Variants in UBE2H observed in about 807,000 individuals in gnomAD.
The protein encoded by UBE2H is ubiquitin conjugating enzyme E2 H.
In UBE2H, 3 loss-of-function variants were observed where a neutral mutation model predicts 29.0. The ratio of observed to expected loss-of-function variants is 0.10; its 90% CI spans 0.05 to 0.27. The LOEUF (loss-of-function observed/expected upper bound fraction) is 0.27. UBE2H is among the 10% of genes least tolerant of loss of function. The probability of loss-of-function intolerance (pLI) is 1.00; values close to 1 mark genes in which losing one functional copy is unlikely to be tolerated. For synonymous variants in UBE2H, 69 were observed against 82.9 expected, an observed-to-expected ratio of 0.83 and a Z score of 0.91; for missense variants, 68 against 228.2, an observed-to-expected ratio of 0.30 and a Z score of 4.52.
intron 5 of UBE2H, among the ~76,000 whole-genome samples, chr7:129,848,044 C>T (rs1805542798): frequency 6.6e-6 from 1 of 152,188 alleles, no homozygotes; most frequent in Non-Finnish European, 1.5e-5. Flanking sequence ...CCTTTGTAAT[C>T]AGAGAAAGTT....
At chr7:129,887,055 A>AT (rs1247961961) in intron 1 of UBE2H, among the ~76,000 whole-genome samples, 1 of 152,008 alleles carries the variant, frequency 6.6e-6, no homozygotes, top group African/African-American at 2.4e-5. Flanking sequence ...TGTTCTCACT[A>AT]TTTTTGTTTT....
intron 3 of UBE2H, chr7:129,865,110 T>G (rs1351121847): frequency 2.4e-6 from 1 of 412,836 alleles, no homozygotes; most frequent in Non-Finnish European, 4.8e-6. Flanking sequence ...ACTATTATTA[T>G]ATATCTTAAA....
chr7:129,895,533 C>T (rs950248941), intron 1 of UBE2H, among the ~76,000 whole-genome samples: 4 of 152,122 alleles, frequency 2.6e-5, no homozygotes, highest in Non-Finnish European at 5.9e-5. Context: ...TCAGGTGGCC[C>T]TCTGCAAAAT....
intron 1 of UBE2H, among the ~76,000 whole-genome samples, chr7:129,947,666 A>G (rs1807792435): frequency 6.6e-6 from 1 of 152,190 alleles, no homozygotes; most frequent in Non-Finnish European, 1.5e-5. Flanking sequence ...TATTCCTTGA[A>G]AAGTCCACTC....
chr7:129,932,261 C>A (rs1456405823), intron 1 of UBE2H, among the ~76,000 whole-genome samples: 4 of 145,888 alleles, frequency 2.7e-5, no homozygotes, highest in African/African-American at 1.0e-4. Context: ...GTAGCTGGGA[C>A]TACAGGCGCC....
At chr7:129,907,210 G>T (rs748446810) in intron 1 of UBE2H, among the ~76,000 whole-genome samples, 1 of 152,018 alleles carries the variant, frequency 6.6e-6, no homozygotes, top group Non-Finnish European at 1.5e-5. Context: ...ACTTTGTTGG[G>T]TAAGATCAAA....
intron 1 of UBE2H, among the ~76,000 whole-genome samples, chr7:129,902,921 C>A (rs10253233): frequency 0.18 from 27,931 of 152,114 alleles, 2,846 homozygotes; most frequent in African/African-American, 0.26. Context: ...TCTCAACAAC[C>A]CTATCATGCA....
chr7:129,882,374 CAG>C (rs1467795959), intron 1 of UBE2H, among the ~76,000 whole-genome samples: 4 of 152,086 alleles, frequency 2.6e-5, no homozygotes, highest in Non-Finnish European at 5.9e-5. Context: ...TAATACAAAA[CAG>C]AAACATTTAA....
chr7:129,861,766 C>T (rs1252237792), intron 3 of UBE2H, among the ~76,000 whole-genome samples: 2 of 152,116 alleles, frequency 1.3e-5, no homozygotes, highest in Non-Finnish European at 2.9e-5. Context: ...TGGCGCCCAC[C>T]TGTAGTCCCA....
In UBE2H at chr7:129,922,076, T is replaced by A. The variant is rs1243451519; in HGVS notation, c.53+30427A>T. ...TCGGCTCACTGCAACCTCTGCCTCC[T>A]GGGTTGGAGCAATTCTCCTGCCTCA... is the stretch of plus-strand genomic sequence containing the variant. On this transcript the variant is annotated intron_variant, in intron 1 of 6. Transcript: ENST00000355621. 2.0e-5 allele frequency among the ~76,000 whole-genome samples: 3 copies of A among 151,870 alleles called. No homozygotes were observed. The East Asian group carries it at 5.8e-4, about 29-fold the overall frequency.
In UBE2H at chr7:129,890,767, T is replaced by TA. The variant is rs1806467732; in HGVS notation, c.54-9797dup. ...TTAGTAAGTTTACTTTTGAAAACAC[T>TA]AAATTTGAGGTTATCAGTGGATAAA... On this transcript the variant is annotated intron_variant, in intron 1 of 6. Coordinates refer to ENST00000355621, the MANE Select transcript of UBE2H (RefSeq NM_003344.4). Among the ~76,000 whole-genome samples, 4 of 152,288 alleles carry TA rather than the reference T, an allele frequency of 2.6e-5. No individual in the cohort carries two copies. The South Asian group carries it at 8.3e-4, about 32-fold the overall frequency.
intron 5 of UBE2H, among the ~76,000 whole-genome samples, chr7:129,847,623 G>C (rs549992029): frequency 6.6e-6 from 1 of 152,240 alleles, no homozygotes; most frequent in East Asian, 1.9e-4. Flanking sequence ...TTACAGGCGT[G>C]AGCTACCATG....
chr7:129,835,376 G>C (rs1347931805), intron 6 of UBE2H, among the ~76,000 whole-genome samples: 1 of 152,078 alleles, frequency 6.6e-6, no homozygotes, highest in Non-Finnish European at 1.5e-5. Context: ...GGAGCCCCAC[G>C]CTTTCTTTTT....
At chr7:129,939,969 A>G (rs1341150164) in intron 1 of UBE2H, among the ~76,000 whole-genome samples, 2 of 151,302 alleles carry the variant, frequency 1.3e-5, no homozygotes, top group Non-Finnish European at 3.0e-5. Flanking sequence ...AAAAAAAAAA[A>G]GAAAGAAAGA....
At chr7:129,859,089 A>G in intron 3 of UBE2H, 148 bp from the exon 4 acceptor site, 1 of 635,000 alleles carries the variant, frequency 1.6e-6, no homozygotes, top group Non-Finnish European at 2.7e-6. Context: ...ACTGATAAAC[A>G]TTATATTCTC....
intron 3 of UBE2H, among the ~76,000 whole-genome samples, chr7:129,863,332 C>T (rs1303631708): frequency 6.6e-6 from 1 of 152,184 alleles, no homozygotes; most frequent in African/African-American, 2.4e-5. Context: ...AAGCAAAGTA[C>T]TAAACAGGGA....
At chr7:129,917,706 G>A (rs1239976798) in intron 1 of UBE2H, among the ~76,000 whole-genome samples, 1 of 152,098 alleles carries the variant, frequency 6.6e-6, no homozygotes, top group Non-Finnish European at 1.5e-5. Flanking sequence ...TAAATATCAA[G>A]GAGCTAGGAA....
chr7:129,923,234 A>G (rs1807201872), intron 1 of UBE2H, among the ~76,000 whole-genome samples: 1 of 152,182 alleles, frequency 6.6e-6, no homozygotes, highest in Admixed American at 6.6e-5. Flanking sequence ...ATGCAATTCA[A>G]TCTGAATTAC....
intron 1 of UBE2H, among the ~76,000 whole-genome samples, chr7:129,948,263 C>T (rs1807804319): frequency 6.6e-6 from 1 of 151,838 alleles, no homozygotes; most frequent in African/African-American, 2.4e-5. Context: ...TTAGGTGATC[C>T]TCCCGCCTCA....
Sources: allele counts gnomAD v4.1 joint callset (sites outside exome capture counted in the v4.1 genomes callset), GRCh38; gene constraint gnomAD v4.1.1; transcripts MANE v1.5; gene names NCBI Gene and HGNC (gene_info 2026-07-23, HGNC 2026-07-21).